Variants in NLGN1 observed in about 807,000 individuals in gnomAD.
NLGN1 encodes the protein neuroligin-1.
Under a neutral mutation model 65.5 loss-of-function variants are expected in NLGN1, and 12 were observed. The observed-to-expected ratio is 0.18, with a 90% confidence interval of 0.12 to 0.30. The LOEUF (loss-of-function observed/expected upper bound fraction) is 0.30. NLGN1 is among the 10% of genes least tolerant of loss of function. The pLI, the probability that NLGN1 is intolerant of heterozygous loss-of-function variation, is 1.00. For missense variants in NLGN1, 750 were observed against 1,007.1 expected (o/e 0.74, Z 3.46); for synonymous variants, 350 against 359.5 (o/e 0.97, Z 0.30).
intron 4 of NLGN1, among the ~76,000 whole-genome samples, chr3:174,189,825 A>G (rs1732059196): frequency 6.6e-6 from 1 of 152,084 alleles, no homozygotes; most frequent in African/African-American, 2.4e-5. Context: ...CAGCAACAGT[A>G]TAAAAATTGA....
At chr3:174,248,968 C>T (rs531318768) in intron 4 of NLGN1, among the ~76,000 whole-genome samples, 6 of 152,182 alleles carry the variant, frequency 3.9e-5, no homozygotes, top group Non-Finnish European at 8.8e-5. Flanking sequence ...GGCTTCCCCA[C>T]ATCCAGGAAA....
At chr3:173,858,620 T>G (rs1560506962) in intron 4 of NLGN1, among the ~76,000 whole-genome samples, 1 of 152,096 alleles carries the variant, frequency 6.6e-6, no homozygotes, top group Non-Finnish European at 1.5e-5. Context: ...CACACAACTT[T>G]AATATCAAAA....
chr3:173,559,545 A>G (rs1297990101), intron 2 of NLGN1, among the ~76,000 whole-genome samples: 2 of 152,178 alleles, frequency 1.3e-5, no homozygotes, highest in Admixed American at 6.5e-5. Context: ...GAATATTAGA[A>G]TTTTTAAATT....
At chr3:174,152,797 C>T (rs370540087) in intron 4 of NLGN1, among the ~76,000 whole-genome samples, 1 of 151,978 alleles carries the variant, frequency 6.6e-6, no homozygotes, top group African/African-American at 2.4e-5. Flanking sequence ...TATTTAATCT[C>T]CAACTAAGAA....
chr3:173,624,180 T>C (rs73174597), intron 3 of NLGN1, among the ~76,000 whole-genome samples: 6,760 of 152,234 alleles, frequency 0.044, 230 homozygotes, highest in Middle Eastern at 0.13. Flanking sequence ...AGTTTTCACT[T>C]GTGTGAGATG....
At chr3:173,960,328 A>AGTTTCT (rs1283046114) in intron 4 of NLGN1, among the ~76,000 whole-genome samples, 2 of 151,966 alleles carry the variant, frequency 1.3e-5, no homozygotes, top group Non-Finnish European at 2.9e-5. Flanking sequence ...TAAAAATTTT[A>AGTTTCT]GTTTCTGATT....
chr3:174,090,013 G>C (rs1179019237), intron 4 of NLGN1, among the ~76,000 whole-genome samples: 1 of 151,922 alleles, frequency 6.6e-6, no homozygotes, highest in Non-Finnish European at 1.5e-5. Flanking sequence ...CAGCCAAAAG[G>C]CAGTTCTATA....
At chr3:173,576,830 A>T (rs1249996137) in intron 2 of NLGN1, among the ~76,000 whole-genome samples, 1 of 152,154 alleles carries the variant, frequency 6.6e-6, no homozygotes, top group Non-Finnish European at 1.5e-5. Context: ...CAATTACCGT[A>T]TTAAGTATAT....
At chr3:173,877,324 T>C (rs1732324000) in intron 4 of NLGN1, among the ~76,000 whole-genome samples, 3 of 152,066 alleles carry the variant, frequency 2.0e-5, no homozygotes, top group Admixed American at 1.3e-4. Context: ...ATAGACCAAA[T>C]TGTGGGACGG....
intron 3 of NLGN1, among the ~76,000 whole-genome samples, chr3:173,667,100 A>G (rs181090172): frequency 2.6e-5 from 4 of 152,344 alleles, no homozygotes; most frequent in Admixed American, 2.6e-4. Flanking sequence ...ATGTATGCCA[A>G]TAATTCTAAA....
intron 4 of NLGN1, among the ~76,000 whole-genome samples, chr3:173,924,755 C>A (rs1175574777): frequency 1.3e-5 from 2 of 151,916 alleles, no homozygotes; most frequent in African/African-American, 4.8e-5. Context: ...TTATGAGAAG[C>A]CATTTAAGTG....
intron 4 of NLGN1, among the ~76,000 whole-genome samples, chr3:174,125,375 A>T (rs1204983711): frequency 6.6e-6 from 1 of 152,148 alleles, no homozygotes; most frequent in Non-Finnish European, 1.5e-5. Flanking sequence ...AAAAGATTTC[A>T]TGATTGACTG....
intron 3 of NLGN1, among the ~76,000 whole-genome samples, chr3:173,708,124 T>C (rs1768336835): frequency 1.3e-5 from 2 of 152,184 alleles, no homozygotes; most frequent in Non-Finnish European, 2.9e-5. Context: ...GTTCTAATCA[T>C]ATATAGTCCT....
chr3:173,956,827 G>T (rs2152339134), intron 4 of NLGN1, among the ~76,000 whole-genome samples: 1 of 152,256 alleles, frequency 6.6e-6, no homozygotes, highest in Admixed American at 6.5e-5. Flanking sequence ...TCCTAAGAAA[G>T]ATTAGTAAAA....
intron 3 of NLGN1, among the ~76,000 whole-genome samples, chr3:173,632,878 T>C (rs1338613432): frequency 3.3e-5 from 5 of 150,440 alleles, no homozygotes; most frequent in Admixed American, 1.3e-4. Flanking sequence ...AATAGTTGTC[T>C]TCTCAAAAAG....
chr3:173,690,560 A>G (rs1037668132), intron 3 of NLGN1, among the ~76,000 whole-genome samples: 1 of 152,160 alleles, frequency 6.6e-6, no homozygotes, highest in African/African-American at 2.4e-5. Context: ...TGCTTTGCTC[A>G]CAGTTATCAG....
chr3:174,019,174 A>C (rs1727230064), intron 4 of NLGN1, among the ~76,000 whole-genome samples: 1 of 152,206 alleles, frequency 6.6e-6, no homozygotes, highest in Non-Finnish European at 1.5e-5. Flanking sequence ...AGTGGCTTAC[A>C]AAATTATGAG....
At chr3:173,894,363 C>G (rs994123326) in intron 4 of NLGN1, among the ~76,000 whole-genome samples, 1 of 152,124 alleles carries the variant, frequency 6.6e-6, no homozygotes, top group Non-Finnish European at 1.5e-5. Flanking sequence ...TCTCCAGAGA[C>G]TCAAGTTGAT....
chr3:173,997,359 T>C (rs900433697), intron 4 of NLGN1, among the ~76,000 whole-genome samples: 2 of 152,150 alleles, frequency 1.3e-5, no homozygotes, highest in Admixed American at 1.3e-4. Context: ...AATTGATCCA[T>C]ATTAATTGAC....
Sources: allele counts gnomAD v4.1 joint callset (sites outside exome capture counted in the v4.1 genomes callset), GRCh38; gene constraint gnomAD v4.1.1; transcripts MANE v1.5; gene names NCBI Gene and HGNC (gene_info 2026-07-23, HGNC 2026-07-21).